STXBP2: variants seen among roughly 807,000 people sequenced by gnomAD.
STXBP2 encodes the protein syntaxin-binding protein 2.
STXBP2 carries 47 observed loss-of-function variants against 72.2 expected under a neutral mutation model. That is an observed-to-expected ratio of 0.65 (90% CI 0.51 to 0.83). The LOEUF (loss-of-function observed/expected upper bound fraction) is 0.83. Among genes scored for constraint, STXBP2 ranks in the 40% least tolerant of loss-of-function variants. STXBP2 has a pLI of 0.00. For synonymous variants in STXBP2, 367 were observed against 338.7 expected (o/e 1.08, Z -0.92); for missense variants, 702 against 807.6 (o/e 0.87, Z 1.58).
chr19:7,633,369 C>G (rs1342998073), upstream of STXBP2: 13 of 1,548,846 alleles, frequency 8.4e-6, no homozygotes, highest in Non-Finnish European at 1.1e-5. Flanking sequence ...GCTCTGAGAC[C>G]TTGAGCTGGG....
the STXBP2 span, chr19:7,630,414 G>A: frequency 1.4e-5 from 9 of 631,532 alleles, 1 homozygote; most frequent in Admixed American, 1.9e-4. Context: ...AGGTTTTAGG[G>A]TGCGAGGTTT....
chr19:7,636,958 G>C, upstream of STXBP2: 2 of 484,784 alleles, frequency 4.1e-6, no homozygotes, highest in East Asian at 3.6e-5. Context: ...TCGGCAGCGC[G>C]GACGCACCTG....
At chr19:7,644,969 T>TC in intron 14 of STXBP2, 1 of 1,447,754 alleles carries the variant, frequency 6.9e-7, no homozygotes. Context: ...AACCCTCACA[T>TC]CTGTGATTCC....
intron 16 of STXBP2, 181 bp downstream of exon 16, chr19:7,646,525 G>A (rs1713137205): frequency 1.5e-6 from 1 of 683,028 alleles, no homozygotes. Context: ...GAATTGGGGT[G>A]ACAGCGGGGC....
chr19:7,640,005 T>C (rs1459423264), intron 4 of STXBP2, 198 bp downstream of exon 4: 3 of 696,402 alleles, frequency 4.3e-6, no homozygotes, highest in Admixed American at 2.3e-5. Flanking sequence ...TGTGTCTATG[T>C]ATGTGTCTGT....
chr19:7,632,357 C>T (rs148587333), upstream of STXBP2: 843 of 1,611,486 alleles, frequency 5.2e-4, 3 homozygotes, highest in African/African-American at 9.4e-3. This position sits in a 1 kb window ranked among gnomAD's most constrained non-coding sequence, Gnocchi z 5.2. Flanking sequence ...CACTGCCTGG[C>T]GGGTTTCTCC....
chr19:7,639,145 C>T, intron 3 of STXBP2, 45 bp downstream of exon 3: 5 of 1,595,370 alleles, frequency 3.1e-6, no homozygotes, highest in Non-Finnish European at 4.3e-6. Context: ...AGCGTGGGAA[C>T]CCCTGACTGT....
At chr19:7,630,747 C>G in the STXBP2 span, 1 of 1,534,968 alleles carries the variant, frequency 6.5e-7, no homozygotes, top group South Asian at 1.2e-5. Flanking sequence ...TGTCTGCCTC[C>G]CATAAGCCGA....
intron 17 of STXBP2, 24 bp downstream of exon 17, chr19:7,647,271 C>T: frequency 6.2e-7 from 1 of 1,610,698 alleles, no homozygotes; most frequent in South Asian, 1.1e-5. Flanking sequence ...GCCGCCCCCG[C>T]CCACGCCTGG....
At chr19:7,631,399 CGG>C in the STXBP2 span, 6 of 584,112 alleles carry the variant, frequency 1.0e-5, no homozygotes, top group Non-Finnish European at 1.2e-5. Flanking sequence ...GAGAGGTGGG[CGG>C]GGGGGGGTGG....
chr19:7,645,989 A>C, intron 15 of STXBP2: 1 of 552,732 alleles, frequency 1.8e-6, no homozygotes, highest in Non-Finnish European at 3.2e-6. Context: ...ACTGCTTCTT[A>C]TCTCTTTGCC....
chr19:7,642,244 G>T lies in STXBP2; in HGVS notation c.705G>T (p.Arg235=), dbSNP rs1257049194. The T allele has an allele frequency of 6.2e-7, 1 of 1,614,168 alleles. No individual in the cohort carries two copies. Among genetic ancestry groups the T allele is most frequent in the Non-Finnish European group, 8.5e-7 (1 of 1,180,018 alleles). ...GCTCCCAGCTGCTGATAATGGACCG[G>T]GCAGCTGACCCCGTGTCCCCACTAC... ...KTRSQLLIMD[R]AADPVSPLLH... Residue 235 remains arginine (R), a synonymous_variant, in exon 9 of 19, where the codon CGG becomes CGT. Transcript: ENST00000221283. This position sits in a 1 kb window ranked among gnomAD's most constrained non-coding sequence, Gnocchi z 6.0.
rs754332073 is a variant in STXBP2 at position 7,640,100 on chromosome 19, GTGTC to G, written c.246+297_246+300del. 1.4e-4 allele frequency: 83 copies of G among 607,054 alleles called. 2 individuals are homozygous for G. The highest frequency in any genetic ancestry group is 1.3e-3 in the South Asian group (83 of 65,224). 37.6% of individuals were successfully genotyped at this position (607,054 alleles called of 1,614,324 possible). A position where few individuals can be genotyped will look rare whatever the true frequency, so the allele number is the denominator to read the frequency against. ...TGTCTGTGGGTCTGTGTGTGCATTT[GTGTC>G]TGTGCATGTGTGTATGCGTGTGTAT... is the stretch of plus-strand genomic sequence containing the variant. On this transcript the variant is annotated intron_variant, in intron 4 of 18. Coordinates refer to ENST00000221283, the MANE Select transcript of STXBP2 (RefSeq NM_006949.4).
rs980486322 is a variant in STXBP2, at chr19:7,646,254, G to A, written c.1362G>A (p.Ser454=). The change falls in exon 16 of 19, where the codon TCG becomes TCA. Residue 454 remains serine (S), a synonymous_variant. Transcript: ENST00000221283. ...CCTCCCTGCCCTGCCTGTAGGGCTC[G>A]GGGACCTCCAGCCGGCTGGAGCCGA... is the stretch of plus-strand genomic sequence containing the variant. ...LGGTVTNPGG[S]GTSSRLEPRE... 12 of 1,604,264 alleles carry A rather than the reference G, an allele frequency of 7.5e-6. No individual in the cohort carries two copies. The highest frequency in any genetic ancestry group is 4.0e-5 in the African/African-American group (3 of 74,780).
the STXBP2 span, chr19:7,629,903 C>A: frequency 1.3e-6 from 2 of 1,489,590 alleles, no homozygotes; most frequent in African/African-American, 2.8e-5. Flanking sequence ...GGCAGGGGAT[C>A]TTCCTGGATC....
At chr19:7,646,678 A>C in intron 16 of STXBP2, 1 of 432,052 alleles carries the variant, frequency 2.3e-6, no homozygotes, top group Admixed American at 3.7e-5. Flanking sequence ...TCCAATGGCA[A>C]TGGGCCTGGG....
In STXBP2 at chr19:7,644,663, T is replaced by A; in HGVS notation, c.1157T>A (p.Met386Lys). The A allele has an allele frequency of 6.2e-7, 1 of 1,613,736 alleles. No individual in the cohort carries two copies. The highest frequency in any genetic ancestry group is 8.5e-7 in the Non-Finnish European group (1 of 1,179,852). ...GAGGGGGAGAAGATCAAGGACTCCATGAAGCTGATCGTTCCGGTGCTGCTG... is the reference window on the plus strand; with the variant it reads ...GAGGGGGAGAAGATCAAGGACTCCAAGAAGCTGATCGTTCCGGTGCTGCTG... The part of the protein sequence containing the change: ...DAEGEKIKDS[M>K]KLIVPVLLDA... The change falls in exon 14 of 19, where the codon ATG (methionine) becomes AAG (lysine). Residue 386 changes from methionine (M) to lysine (K), a missense_variant. Transcript: ENST00000221283.
Position 7,643,173 on chromosome 19 carries a change from G to C in STXBP2, c.1035G>C (p.Thr345=), listed in dbSNP as rs761659137. The change falls in exon 13 of 19, where the codon ACG becomes ACC. Residue 345 remains threonine (T), a synonymous_variant. Transcript: ENST00000221283. ...QYQKELNKYS[T]HLHLADDCMK... ...CACCCTGCACCCTGCAGTATTCTAC[G>C]CACCTGCATCTAGCAGATGATTGTA... 4 of 1,614,000 alleles carry C rather than the reference G, an allele frequency of 2.5e-6. No homozygotes were observed. Among genetic ancestry groups the C allele is most frequent in the Non-Finnish European group, 3.4e-6 (4 of 1,179,976 alleles).
chr19:7,640,701 C>T (rs376532380), intron 4 of STXBP2, 30 bp from the exon 5 acceptor site: 1 of 1,614,116 alleles, frequency 6.2e-7, no homozygotes, highest in Non-Finnish European at 8.5e-7. Context: ...TGTGCAGGCT[C>T]AGGCCCAGAG....
Sources: gnomAD v4.1 joint callset for allele counts on GRCh38, gnomAD v4.1.1 for gene constraint, Gnocchi (gnomAD v3.1) non-coding constraint, MANE v1.5 for transcripts, NCBI Gene and HGNC (gene_info 2026-07-23, HGNC 2026-07-21) for gene names.